TAF5: variants seen among roughly 807,000 people sequenced by gnomAD.
TAF5 encodes the protein transcription initiation factor TFIID subunit 5.
TAF5 carries 20 observed loss-of-function variants against 80.9 expected under a neutral mutation model. The observed-to-expected ratio is 0.25, with a 90% CI of 0.17 to 0.36. The LOEUF is 0.36. Ranked by LOEUF, TAF5 falls within the 10% of genes least tolerant of loss-of-function variation. The probability of loss-of-function intolerance (pLI) is 1.00; values close to 1 mark genes in which losing one functional copy is unlikely to be tolerated. For missense variants in TAF5, 863 were observed against 1,029.4 expected (o/e 0.84, Z 2.21); for synonymous variants, 388 against 406.4 (o/e 0.95, Z 0.55).
chr10:103,378,077 T>G lies in TAF5; in HGVS notation c.798-158T>G, dbSNP rs2093373733. 6.6e-6 allele frequency among the ~76,000 whole-genome samples: 1 copy of G among 152,244 alleles called. No homozygotes were observed. The highest frequency in any genetic ancestry group is 2.1e-4 in the South Asian group (1 of 4,836). Reference sequence around the variant, plus strand: ...AATAAATTCAGAAACTGAATTATAGTCATTTTGAAATGAGTTACTTCTTAT... The same window carrying G: ...AATAAATTCAGAAACTGAATTATAGGCATTTTGAAATGAGTTACTTCTTAT... On this transcript the variant is annotated intron_variant, in intron 2 of 10. Transcript: ENST00000369839. The surrounding 1 kb of genome is among the most constrained non-coding windows in gnomAD (Gnocchi z 4.1).
chr10:103,382,408 A>G (rs2093384919), intron 6 of TAF5, among the ~76,000 whole-genome samples: 1 of 151,858 alleles, frequency 6.6e-6, no homozygotes, highest in South Asian at 2.1e-4. Context: ...TATTTTTAGT[A>G]GAGATAGGGT....
chr10:103,368,015 C>T lies in TAF5; in HGVS notation c.26C>T (p.Thr9Met), dbSNP rs1035145538. Residue 9 changes from threonine (T) to methionine (M), a missense_variant, in exon 1 of 11, where the codon ACG becomes ATG. Thr to Met is a moderately conservative substitution (Grantham distance 81). Around this residue, in one of 3 missense-constraint regions of TAF5, gnomAD observed 367 missense variants for 335.5 expected, o/e 1.09. Transcript: ENST00000369839. ...ATGGCGGCGCTGGCGGAGGAGCAGA[C>T]GGAGGTGGCGGTCAAGCTAGAGCCT... MAALAEEQ[T>M]EVAVKLEPEG... 4.1e-6 allele frequency: 6 copies of T among 1,465,100 alleles called. No homozygotes were observed. In the Admixed American group the frequency reaches 7.9e-5, roughly 19 times the overall value. 90.8% of individuals were successfully genotyped at this position (1,465,100 alleles called of 1,614,324 possible). A position where few individuals can be genotyped will look rare whatever the true frequency, so the allele number is the denominator to read the frequency against.
At chr10:103,383,490 C>T in intron 7 of TAF5, 123 bp downstream of exon 7, 3 of 926,140 alleles carry the variant, frequency 3.2e-6, no homozygotes, top group South Asian at 2.3e-5. Flanking sequence ...GGTTGTCTGA[C>T]GTTCATCATC....
chr10:103,378,523 G>T lies in TAF5; in HGVS notation c.1086G>T (p.Glu362Asp). 6.2e-7 allele frequency: 1 copy of T among 1,613,490 alleles called. No homozygotes were observed. Among genetic ancestry groups the T allele is most frequent in the Non-Finnish European group, 8.5e-7 (1 of 1,179,606 alleles). Residue 362 changes from glutamate to aspartate, a missense_variant, in exon 3 of 11, where the codon GAG (glutamate) becomes GAT (aspartate). Physicochemically the swap from Glu to Asp is conservative, Grantham distance 45. Around this residue, in one of 3 missense-constraint regions of TAF5, gnomAD observed 128 missense variants for 232.2 expected, o/e 0.55. Coordinates refer to ENST00000369839, the MANE Select transcript of TAF5 (RefSeq NM_006951.5). This position sits in a 1 kb window ranked among gnomAD's most constrained non-coding sequence, Gnocchi z 4.1. ...IDAMVGSLAG[E>D]AKREANKSKV... is the part of the protein sequence containing the mutation. ...CGATGGTGGGAAGTTTGGCAGGAGA[G>T]GCTAAACGAGAGGCAAACAAATCAA...
Position 103,378,183 on chromosome 10 carries a change from A to C in TAF5, c.798-52A>C. The C allele has an allele frequency of 6.6e-7, 1 of 1,505,518 alleles. No homozygotes were observed. Among genetic ancestry groups the C allele is most frequent in the South Asian group, 1.2e-5 (1 of 80,186 alleles). The allele number at this position is 1,505,518 out of a possible 1,614,324, so 93.3% of individuals were successfully genotyped here. ...GTTTATAAGTATATGGGGGAAAGGCAGATCCCTTAATGATTACATTGAAAA... is the reference window on the plus strand; with the variant it reads ...GTTTATAAGTATATGGGGGAAAGGCCGATCCCTTAATGATTACATTGAAAA... On this transcript the variant is annotated intron_variant, in intron 2 of 10. Transcript: ENST00000369839. This position sits in a 1 kb window ranked among gnomAD's most constrained non-coding sequence, Gnocchi z 4.1.
intron 7 of TAF5, 146 bp from the exon 8 acceptor site, chr10:103,385,180 G>C: frequency 1.6e-6 from 1 of 622,358 alleles, no homozygotes; most frequent in Non-Finnish European, 2.6e-6. Context: ...TTGCGTGTAT[G>C]AATTAAAAGT....
intron 6 of TAF5, 30 bp downstream of exon 6, chr10:103,381,871 C>T (rs1477807699): frequency 6.2e-7 from 1 of 1,613,814 alleles, no homozygotes; most frequent in Non-Finnish European, 8.5e-7. Flanking sequence ...GGAATGTGAA[C>T]TTGCCATTAG....
chr10:103,378,385 C>G lies in TAF5; in HGVS notation c.948C>G (p.Leu316=). 9.9e-6 allele frequency: 16 copies of G among 1,614,154 alleles called. No individual in the cohort carries two copies. Among genetic ancestry groups the G allele is most frequent in the Non-Finnish European group, 1.4e-5 (16 of 1,180,046 alleles). ...VLRISRDSYQ[L]LKRHLQEKQN... is the part of the protein sequence containing the mutation. ...GTATTTCCCGTGACTCGTACCAACT[C>G]TTGAAGAGGCATCTTCAGGAGAAAC... Residue 316 remains leucine, a synonymous_variant, in exon 3 of 11, where the codon CTC becomes CTG. Transcript: ENST00000369839. The surrounding 1 kb of genome is among the most constrained non-coding windows in gnomAD (Gnocchi z 4.1).
intron 7 of TAF5, among the ~76,000 whole-genome samples, chr10:103,384,214 GTA>G (rs2093390362): frequency 6.6e-6 from 1 of 152,306 alleles, no homozygotes; most frequent in Non-Finnish European, 1.5e-5. Flanking sequence ...CCCTTTAGGT[GTA>G]TGATTACAAT....
intron 2 of TAF5, among the ~76,000 whole-genome samples, chr10:103,376,904 C>T (rs1189294570): frequency 6.6e-6 from 1 of 152,158 alleles, no homozygotes; most frequent in Non-Finnish European, 1.5e-5. Flanking sequence ...ATTAGCCAGC[C>T]ATGGTGGCAC....
rs546192853 is a variant in TAF5, at chr10:103,380,439, A to G, written c.1413+420A>G. Among the ~76,000 whole-genome samples the G allele has an allele frequency of 2.6e-5, 4 of 152,138 alleles. No homozygotes were observed. The East Asian group carries it at 7.8e-4, about 30-fold the overall frequency. On this transcript the variant is annotated intron_variant, in intron 5 of 10. Coordinates refer to ENST00000369839, the MANE Select transcript of TAF5 (RefSeq NM_006951.5). ...CACCGCATGTGGCCCCTAAACTCTT[A>G]TACAATTTAAAGACAGCATTCAGGA...
chr10:103,375,186 G>T (rs1269467172), intron 2 of TAF5, among the ~76,000 whole-genome samples: 1 of 151,510 alleles, frequency 6.6e-6, no homozygotes, highest in Non-Finnish European at 1.5e-5. Context: ...ACTGGGCGGA[G>T]GAGCAGGAAT....
At chr10:103,373,636 A>AGT (rs202225632) in intron 2 of TAF5, 41 bp downstream of exon 2, 322 of 1,368,854 alleles carry the variant, frequency 2.4e-4, no homozygotes, top group Non-Finnish European at 2.2e-4. Flanking sequence ...ACACATACGT[A>AGT]GTGTGTGTGT....
At chr10:103,373,672 T>TA in intron 2 of TAF5, 77 bp downstream of exon 2, 1 of 1,111,904 alleles carries the variant, frequency 9.0e-7, no homozygotes, top group Non-Finnish European at 1.3e-6. Flanking sequence ...TTCACATCTG[T>TA]AACCACAAAA....
chr10:103,381,155 A>T (rs1305929986), intron 5 of TAF5, among the ~76,000 whole-genome samples: 1 of 149,530 alleles, frequency 6.7e-6, no homozygotes, highest in Non-Finnish European at 1.5e-5. Flanking sequence ...CACCAGGTTG[A>T]CCAGGCTGGA....
rs765863251 is a variant in TAF5 at position 103,368,837 on chromosome 10, G to A, written c.559+289G>A. Among the ~76,000 whole-genome samples the A allele has an allele frequency of 1.8e-3, 277 of 152,310 alleles. 1 individual carries two copies. The highest frequency in any genetic ancestry group is 5.2e-3 in the Admixed American group (80 of 15,298). On this transcript the variant is annotated intron_variant, in intron 1 of 10. Coordinates refer to ENST00000369839, the MANE Select transcript of TAF5 (RefSeq NM_006951.5). ...GCTCTTGGTCCCTTTCCTTTCATTT[G>A]GGCTTTTGAGCCTTGGGCAGGTCCG...
intron 1 of TAF5, among the ~76,000 whole-genome samples, chr10:103,372,873 C>T (rs113608005): frequency 0.011 from 1,708 of 148,838 alleles, 28 homozygotes; most frequent in African/African-American, 0.039. Flanking sequence ...ACAGCCTGGG[C>T]GACAAGAGTG....
rs1181520382 is a variant in TAF5, at chr10:103,368,352, G to C, written c.363G>C (p.Gly121=). ...AAGAGGCGCTGCGCCGTGAGGCCGG[G>C]CTGCTGGAGGAGGCAGTGGCGGGCT... The part of the protein sequence containing the change: ...EAEEALRREA[G]LLEEAVAGSG... The change falls in exon 1 of 11, where the codon GGG becomes GGC. Residue 121 remains glycine (G), a synonymous_variant. Transcript: ENST00000369839. 6.3e-7 allele frequency: 1 copy of C among 1,577,568 alleles called. No homozygotes were observed. Among genetic ancestry groups the C allele is most frequent in the South Asian group, 1.1e-5 (1 of 87,854 alleles).
chr10:103,382,462 T>A (rs952065271), intron 6 of TAF5, among the ~76,000 whole-genome samples: 2 of 151,750 alleles, frequency 1.3e-5, no homozygotes, highest in South Asian at 2.1e-4. Context: ...TGACCTCAAG[T>A]GATCCGCCTG....
Sources: allele counts gnomAD v4.1 joint callset (sites outside exome capture counted in the v4.1 genomes callset), GRCh38; gene constraint gnomAD v4.1.1; regional missense constraint gnomAD v4.1.1; non-coding constraint Gnocchi (gnomAD v3.1); transcripts MANE v1.5; gene names NCBI Gene and HGNC (gene_info 2026-07-23, HGNC 2026-07-21).